SAMD12: variants seen among roughly 807,000 people sequenced by gnomAD.
The protein encoded by SAMD12 is sterile alpha motif domain containing 12.
A neutral mutation model predicts 15.0 loss-of-function variants in SAMD12; 9 were observed. The ratio of observed to expected loss-of-function variants is 0.60; its 90% confidence interval spans 0.36 to 1.05. The LOEUF is 1.05. Among genes scored for constraint, SAMD12 ranks in the 50% least tolerant of loss-of-function variants. The pLI is 0.01. For synonymous variants in SAMD12, 86 were observed against 90.1 expected (o/e 0.96, Z 0.25); for missense variants, 230 against 234.2 (o/e 0.98, Z 0.12).
rs1824266650 is a variant in SAMD12 at position 118,486,020 on chromosome 8, G to A, written c.193-46059C>T. Reference sequence around the variant, plus strand: ...TCATATCCTTAACCTTCTAACCTGGGAATGTTACTTTGCATGGGAAAAGGA... The same window carrying A: ...TCATATCCTTAACCTTCTAACCTGGAAATGTTACTTTGCATGGGAAAAGGA... On this transcript the variant is annotated intron_variant, in intron 2 of 3. Coordinates refer to ENST00000314727, the MANE Select transcript of SAMD12 (RefSeq NM_207506.3). Among the ~76,000 whole-genome samples, 5 of 152,264 alleles carry A rather than the reference G, an allele frequency of 3.3e-5. No individual in the cohort carries two copies. In the South Asian group the frequency reaches 1.0e-3, roughly 32 times the overall value.
Position 118,379,309 on chromosome 8 carries a change from G to T in SAMD12, c.*108C>A. ...CAGTACACAATCCATACAACTGTAC[G>T]TGACCACCTTGAAGTTAGCTCAGGT... On this transcript the variant is annotated 3_prime_UTR_variant, in exon 4 of 4. Coordinates refer to ENST00000314727, the MANE Select transcript of SAMD12 (RefSeq NM_207506.3). 6.7e-7 allele frequency: 1 copy of T among 1,486,116 alleles called. No individual in the cohort carries two copies. The highest frequency in any genetic ancestry group is 8.9e-7 in the Non-Finnish European group (1 of 1,122,308). 92.1% of individuals were successfully genotyped at this position (1,486,116 alleles called of 1,614,324 possible).
intron 4 of SAMD12, among the ~76,000 whole-genome samples, chr8:118,212,062 T>TGTG (rs1563697315): frequency 8.0e-5 from 12 of 150,724 alleles, no homozygotes; most frequent in African/African-American, 2.2e-4. Context: ...GTTGCAGATT[T>TGTG]TGTGTGTGTG....
intron 4 of SAMD12, among the ~76,000 whole-genome samples, chr8:118,273,584 G>T (rs1813413434): frequency 6.6e-6 from 1 of 152,178 alleles, no homozygotes; most frequent in Admixed American, 6.6e-5. Context: ...ATGGGGGAAG[G>T]TACAGCTCAG....
chr8:118,376,268 T>C (rs1305168849), downstream of SAMD12, among the ~76,000 whole-genome samples: 2 of 152,154 alleles, frequency 1.3e-5, no homozygotes, highest in Non-Finnish European at 2.9e-5. Flanking sequence ...ATTAATGCAA[T>C]TGTCTAAATG....
At chr8:118,517,617 T>C (rs533552098) in intron 2 of SAMD12, among the ~76,000 whole-genome samples, 1 of 152,344 alleles carries the variant, frequency 6.6e-6, no homozygotes, top group South Asian at 2.1e-4. Flanking sequence ...CCATGCAGTC[T>C]GCTGGTGCTG....
At chr8:118,393,550 A>G (rs1389795707) in intron 3 of SAMD12, among the ~76,000 whole-genome samples, 2 of 150,752 alleles carry the variant, frequency 1.3e-5, no homozygotes, top group African/African-American at 4.9e-5. Flanking sequence ...ACTAGAGAAA[A>G]GGGATTTTGA....
In SAMD12 at chr8:118,337,949, G is replaced by T. The variant is rs375941608; in HGVS notation, c.433+41611C>A. 1.3e-3 allele frequency among the ~76,000 whole-genome samples: 197 copies of T among 152,288 alleles called. 7 individuals are homozygous for T. In the South Asian group the frequency reaches 0.036, roughly 28 times the overall value. On this transcript the variant is annotated intron_variant, in intron 4 of 4. Transcript: ENST00000409003. ...CCATTAAATTGTGAAGAAACAAAAA[G>T]AAATTAATGCATACTATACATAGGA...
At chr8:118,468,954 T>C (rs1374600410) in intron 2 of SAMD12, among the ~76,000 whole-genome samples, 2 of 152,194 alleles carry the variant, frequency 1.3e-5, no homozygotes, top group East Asian at 3.9e-4. Context: ...CATCATATCA[T>C]ATAGGATTCT....
At chr8:118,232,348 A>C (rs567511530) in intron 4 of SAMD12, among the ~76,000 whole-genome samples, 1 of 152,248 alleles carries the variant, frequency 6.6e-6, no homozygotes, top group South Asian at 2.1e-4. Context: ...GTTTACCAGA[A>C]GGGGAGAGAG....
At chr8:118,583,882 G>A (rs777630131) in intron 1 of SAMD12, among the ~76,000 whole-genome samples, 2 of 152,114 alleles carry the variant, frequency 1.3e-5, no homozygotes, top group African/African-American at 2.4e-5. Context: ...CAGCACAACT[G>A]TAAGCTCCTG....
intron 4 of SAMD12, among the ~76,000 whole-genome samples, chr8:118,259,749 G>A (rs973091613): frequency 5.3e-5 from 8 of 152,022 alleles, no homozygotes; most frequent in Admixed American, 2.6e-4. Context: ...AGAAACAGAA[G>A]GCTAAATGAT....
At chr8:118,204,226 A>G (rs555869809) in intron 4 of SAMD12, among the ~76,000 whole-genome samples, 2 of 152,166 alleles carry the variant, frequency 1.3e-5, no homozygotes, top group South Asian at 4.2e-4. Flanking sequence ...ATTAATATGT[A>G]TGGGAGAGGT....
intron 4 of SAMD12, among the ~76,000 whole-genome samples, chr8:118,243,366 C>T (rs977624143): frequency 2.0e-5 from 3 of 151,740 alleles, no homozygotes; most frequent in Admixed American, 6.6e-5. Flanking sequence ...TTGAAAGAGC[C>T]GAAAAAATGG....
chr8:118,587,415 G>T (rs763805189), intron 1 of SAMD12, among the ~76,000 whole-genome samples: 1 of 152,154 alleles, frequency 6.6e-6, no homozygotes, highest in Non-Finnish European at 1.5e-5. Context: ...CTTCTGATGG[G>T]CTACACATTC....
chr8:118,174,458 C>T, the SAMD12 span, among the ~76,000 whole-genome samples: 2 of 152,082 alleles, frequency 1.3e-5, no homozygotes, highest in African/African-American at 2.4e-5. Context: ...AGTGTATCTG[C>T]GTGGGCCATT....
At chr8:118,252,617 A>C (rs2450213) in intron 4 of SAMD12, among the ~76,000 whole-genome samples, 36,736 of 149,306 alleles carry the variant, frequency 0.25, 6,913 homozygotes, top group East Asian at 0.58. Context: ...TCTCTTTCTT[A>C]CTCCCTCCCT....
intron 4 of SAMD12, among the ~76,000 whole-genome samples, chr8:118,348,349 G>A (rs554466101): frequency 6.6e-6 from 1 of 151,952 alleles, no homozygotes. Context: ...GGTTACGGGC[G>A]TGAGCCACTG....
At chr8:118,236,588 C>A (rs1024888030) in intron 4 of SAMD12, among the ~76,000 whole-genome samples, 3 of 152,176 alleles carry the variant, frequency 2.0e-5, no homozygotes, top group Admixed American at 6.5e-5. Flanking sequence ...AAAAACCTCG[C>A]CTGGGCTGGC....
intron 2 of SAMD12, among the ~76,000 whole-genome samples, chr8:118,518,214 A>G (rs1431470844): frequency 3.3e-5 from 5 of 152,212 alleles, no homozygotes. Context: ...TGACTGCAAC[A>G]AAATACACAG....
Sources: gnomAD v4.1 joint callset for allele counts (sites outside exome capture counted in the v4.1 genomes callset) on GRCh38, gnomAD v4.1.1 for gene constraint, MANE v1.5 for transcripts, NCBI Gene and HGNC (gene_info 2026-07-23, HGNC 2026-07-21) for gene names.